SMARCAL1: variants seen among roughly 807,000 people sequenced by gnomAD.
The protein encoded by SMARCAL1 is SNF2 related chromatin remodeling annealing helicase 1, also known as ATP-driven annealing helicase.
In SMARCAL1, 58 loss-of-function variants were observed where a neutral mutation model predicts 94.5. The observed-to-expected ratio is 0.61, with a 90% CI of 0.50 to 0.76. SMARCAL1 has a LOEUF of 0.76. Among genes scored for constraint, SMARCAL1 ranks in the 30% least tolerant of loss-of-function variants. The pLI is 0.00. For missense variants in SMARCAL1, 1,051 were observed against 1,177.9 expected (o/e 0.89, Z 1.58); for synonymous variants, 422 against 455.1 (o/e 0.93, Z 0.93).
At chr2:216,452,949 G>A (rs1694482319) in intron 12 of SMARCAL1, among the ~76,000 whole-genome samples, 1 of 152,098 alleles carries the variant, frequency 6.6e-6, no homozygotes, top group Non-Finnish European at 1.5e-5. Context: ...TATAACTTTA[G>A]GTAGCTATAC....
intron 8 of SMARCAL1, among the ~76,000 whole-genome samples, chr2:216,433,938 T>C (rs1035601435): frequency 6.6e-6 from 1 of 150,620 alleles, no homozygotes; most frequent in African/African-American, 2.4e-5. Flanking sequence ...AAAAAAACAC[T>C]AAAAAATGTG....
chr2:216,458,188 A>G (rs1003240356), intron 12 of SMARCAL1, among the ~76,000 whole-genome samples: 34 of 152,362 alleles, frequency 2.2e-4, no homozygotes, highest in African/African-American at 7.2e-4. Context: ...TGAGGCAATA[A>G]TTAATAGCTT....
intron 9 of SMARCAL1, among the ~76,000 whole-genome samples, chr2:216,437,634 G>C (rs1694106756): frequency 6.6e-6 from 1 of 152,138 alleles, no homozygotes; most frequent in South Asian, 2.1e-4. Flanking sequence ...TGGTTGCTCA[G>C]AGTCACACAG....
At chr2:216,461,530 T>A (rs917891758) in intron 12 of SMARCAL1, among the ~76,000 whole-genome samples, 1 of 152,176 alleles carries the variant, frequency 6.6e-6, no homozygotes, top group African/African-American at 2.4e-5. Context: ...AAATATTCTC[T>A]TAAAACATAA....
In SMARCAL1 at chr2:216,482,737, G is replaced by T. The variant is rs2106094746; in HGVS notation, c.2626-1G>T. The T allele has an allele frequency of 3.1e-6, 5 of 1,614,146 alleles. No individual in the cohort carries two copies. Among genetic ancestry groups the T allele is most frequent in the Non-Finnish European group, 4.2e-6 (5 of 1,180,024 alleles). On this transcript the variant is annotated splice_acceptor_variant, in intron 17 of 17. Transcript: ENST00000357276. LOFTEE classifies it high-confidence loss of function. This position sits in a 1 kb window ranked among gnomAD's most constrained non-coding sequence, Gnocchi z 4.3. Reference sequence around the variant, plus strand: ...TCTTTTGTTTTCTTTCTCTGATGAAGGACCCAAAGCAGCAGAAGATCTACG... The same window carrying T: ...TCTTTTGTTTTCTTTCTCTGATGAATGACCCAAAGCAGCAGAAGATCTACG...
intron 17 of SMARCAL1, chr2:216,479,269 C>T (rs11683506): frequency 0.34 from 51,957 of 151,872 alleles, 9,050 homozygotes; most frequent in African/African-American, 0.41. Flanking sequence ...CCTGTGAAAT[C>T]ACCATCAGAA....
At position 216,478,200 on chromosome 2, in the gene SMARCAL1, C is replaced by T; in HGVS notation, c.2529-3C>T. The T allele has an allele frequency of 1.9e-6, 3 of 1,613,782 alleles. No individual in the cohort carries two copies. Among genetic ancestry groups the T allele is most frequent in the Non-Finnish European group, 1.7e-6 (2 of 1,179,630 alleles). ...TTCACTGCAGCTCATTTCTCCCCAA[C>T]AGGCCCCTGATTCAAGAGAAGATTA... On this transcript the variant is annotated splice_polypyrimidine_tract_variant and splice_region_variant and intron_variant, in intron 16 of 17. Transcript: ENST00000357276.
intron 12 of SMARCAL1, among the ~76,000 whole-genome samples, chr2:216,456,550 T>TA (rs143425374): frequency 0.72 from 107,997 of 150,492 alleles, 39,279 homozygotes; most frequent in African/African-American, 0.84. Context: ...TCAACATTCT[T>TA]AAGAAAAGAA....
intron 9 of SMARCAL1, among the ~76,000 whole-genome samples, chr2:216,436,461 A>G (rs1694085394): frequency 6.6e-6 from 1 of 152,236 alleles, no homozygotes; most frequent in South Asian, 2.1e-4. Context: ...GGGAGCTTAG[A>G]GAAAGGAAGG....
In SMARCAL1 at chr2:216,435,138, G is replaced by A. The variant is rs138390914; in HGVS notation, c.1486-200G>A. On this transcript the variant is annotated intron_variant, in intron 8 of 17. Coordinates refer to ENST00000357276, the MANE Select transcript of SMARCAL1 (RefSeq NM_014140.4). Reference sequence around the variant, plus strand: ...CTCCCAAAGTGCTGGGATTACAGGTGTGAGCGACCGCACCCGTCTCCCCCA... The same window carrying A: ...CTCCCAAAGTGCTGGGATTACAGGTATGAGCGACCGCACCCGTCTCCCCCA... 1.7e-4 allele frequency among the ~76,000 whole-genome samples: 26 copies of A among 152,136 alleles called. 2 individuals are homozygous for A. In the East Asian group the frequency reaches 5.0e-3, roughly 29 times the overall value.
intron 14 of SMARCAL1, among the ~76,000 whole-genome samples, chr2:216,471,016 G>C (rs1694954650): frequency 6.6e-6 from 1 of 152,002 alleles, no homozygotes; most frequent in Non-Finnish European, 1.5e-5. Context: ...TGGTGGAATA[G>C]AATACATGGC....
chr2:216,472,046 A>G (rs1694977952), intron 14 of SMARCAL1, among the ~76,000 whole-genome samples: 1 of 152,212 alleles, frequency 6.6e-6, no homozygotes, highest in African/African-American at 2.4e-5. Flanking sequence ...TGTTGTATGT[A>G]TAATAATTTT....
In SMARCAL1 at chr2:216,415,319, T is replaced by G. The variant is rs774325413; in HGVS notation, c.615T>G (p.Ser205=). ...CCTCCCCTTCGGGGCAGAACATTTCTTACATCCATTCTAGCTCAGAGAGTG... is the reference window on the plus strand; with the variant it reads ...CCTCCCCTTCGGGGCAGAACATTTCGTACATCCATTCTAGCTCAGAGAGTG... ...AKASPSGQNI[S]YIHSSSESVT... Residue 205 remains serine (S), a synonymous_variant, in exon 3 of 18, where the codon TCT becomes TCG. Coordinates refer to ENST00000357276, the MANE Select transcript of SMARCAL1 (RefSeq NM_014140.4). 1 of 1,614,210 alleles carries G rather than the reference T, an allele frequency of 6.2e-7. No homozygotes were observed. The highest frequency in any genetic ancestry group is 8.5e-7 in the Non-Finnish European group (1 of 1,180,034).
chr2:216,448,958 T>C (rs77624482), intron 11 of SMARCAL1, among the ~76,000 whole-genome samples: 2,241 of 152,368 alleles, frequency 0.015, 67 homozygotes, highest in African/African-American at 0.052. Context: ...CTGTTTTCTG[T>C]TGCTGTAACT....
rs185749327 is a variant in SMARCAL1, at chr2:216,423,564, T to C, written c.1097-69T>C. On this transcript the variant is annotated intron_variant, in intron 5 of 17. Transcript: ENST00000357276. ...GAAGTTTATGAAACCAAGGAATAAATGAGTAAGTGTGATCACGTAGCAGAA... is the reference window on the plus strand; with the variant it reads ...GAAGTTTATGAAACCAAGGAATAAACGAGTAAGTGTGATCACGTAGCAGAA... 1.1e-3 allele frequency: 1,359 copies of C among 1,280,142 alleles called. 4 individuals carry two copies. Among genetic ancestry groups the C allele is most frequent in the Non-Finnish European group, 9.6e-4 (839 of 876,006 alleles). 79.3% of individuals were successfully genotyped at this position (1,280,142 alleles called of 1,614,324 possible).
chr2:216,418,370 T>C, intron 4 of SMARCAL1, among the ~76,000 whole-genome samples: 1 of 152,262 alleles, frequency 6.6e-6, no homozygotes, highest in Non-Finnish European at 1.5e-5. Flanking sequence ...TTGGCTCCTC[T>C]GCATCTTTAC....
At chr2:216,428,026 A>C (rs1467911263) in intron 6 of SMARCAL1, among the ~76,000 whole-genome samples, 1 of 152,206 alleles carries the variant, frequency 6.6e-6, no homozygotes, top group Non-Finnish European at 1.5e-5. Flanking sequence ...AGTGCCCTTG[A>C]AAAGGTAAAG....
intron 14 of SMARCAL1, among the ~76,000 whole-genome samples, chr2:216,474,141 T>C (rs1695020771): frequency 7.7e-6 from 1 of 130,658 alleles, no homozygotes; most frequent in Non-Finnish European, 1.6e-5. Flanking sequence ...TTTTTTTTTT[T>C]TTTTTTTTTT....
At chr2:216,431,221 A>G (rs1450152153) in intron 7 of SMARCAL1, among the ~76,000 whole-genome samples, 1 of 152,272 alleles carries the variant, frequency 6.6e-6, no homozygotes, top group Non-Finnish European at 1.5e-5. Context: ...CAATTCAGAA[A>G]GGGCAAGTGC....
Sources: gnomAD v4.1 joint callset for allele counts (sites outside exome capture counted in the v4.1 genomes callset) on GRCh38, gnomAD v4.1.1 for gene constraint, Gnocchi (gnomAD v3.1) non-coding constraint, MANE v1.5 for transcripts, NCBI Gene and HGNC (gene_info 2026-07-23, HGNC 2026-07-21) for gene names.